PPP2R2B: variants seen among roughly 807,000 people sequenced by gnomAD.
The protein encoded by PPP2R2B is serine/threonine-protein phosphatase 2A 55 kDa regulatory subunit B beta isoform.
A neutral mutation model predicts 46.0 loss-of-function variants in PPP2R2B; 5 were observed. The ratio of observed to expected loss-of-function variants is 0.11; its 90% CI spans 0.06 to 0.23. The LOEUF is 0.23. PPP2R2B is among the 10% of genes least tolerant of loss of function. The pLI is 1.00. For missense variants in PPP2R2B, 367 were observed against 575.0 expected (o/e 0.64, Z 3.70); for synonymous variants, 215 against 206.7 (o/e 1.04, Z -0.34).
chr5:146,903,907 C>T (rs1397358657), intron 1 of PPP2R2B, among the ~76,000 whole-genome samples: 2 of 152,164 alleles, frequency 1.3e-5, no homozygotes, highest in Admixed American at 6.5e-5. Flanking sequence ...AGTTGGCACA[C>T]AGTACCAAAT....
At position 146,590,120 on chromosome 5, in the gene PPP2R2B, T is replaced by C; in HGVS notation, c.1159A>G (p.Ile387Val). 6.2e-7 allele frequency: 1 copy of C among 1,614,168 alleles called. No individual in the cohort carries two copies. The change falls in exon 10 of 10, where the codon ATC becomes GTC. Residue 387 changes from isoleucine (I) to valine (V), a missense_variant. This residue lies in a region of PPP2R2B where 361 missense variants were observed against 545.5 expected (regional missense o/e 0.66). Transcript: ENST00000394411. ...ASRENSKPRA[I>V]LKPRKVCVGG... The stretch of plus-strand genomic sequence containing the variant: ...ACACACACTTTTCGGGGTTTGAGGA[T>C]AGCCCGGGGCTTGCTGTTTTCCCTC...
At chr5:146,702,682 T>G (rs549393273) in intron 2 of PPP2R2B, among the ~76,000 whole-genome samples, 1 of 152,358 alleles carries the variant, frequency 6.6e-6, no homozygotes, top group African/African-American at 2.4e-5. Context: ...GCAAGTATTT[T>G]TTCCAATGCC....
chr5:146,696,077 C>G (rs183268398), intron 4 of PPP2R2B, among the ~76,000 whole-genome samples: 1 of 151,960 alleles, frequency 6.6e-6, no homozygotes, highest in African/African-American at 2.4e-5. Flanking sequence ...TCCCATCCCC[C>G]CGCCAACAAA....
chr5:146,746,334 CA>C (rs1329723096), intron 2 of PPP2R2B, among the ~76,000 whole-genome samples: 1 of 151,878 alleles, frequency 6.6e-6, no homozygotes, highest in Admixed American at 6.5e-5. Context: ...TGGGATGACA[CA>C]ACATCTGTAT....
intron 2 of PPP2R2B, among the ~76,000 whole-genome samples, chr5:146,816,247 A>T (rs1757924850): frequency 6.6e-6 from 1 of 152,162 alleles, no homozygotes. Flanking sequence ...CTACAAAAAA[A>T]TTAAAAAATT....
intron 2 of PPP2R2B, among the ~76,000 whole-genome samples, chr5:146,760,694 G>A (rs1754106584): frequency 6.6e-6 from 1 of 152,126 alleles, no homozygotes; most frequent in African/African-American, 2.4e-5. Flanking sequence ...TGATTTTGTG[G>A]GTGAGGGATG....
At chr5:146,810,232 G>A (rs1582157601) in intron 2 of PPP2R2B, among the ~76,000 whole-genome samples, 2 of 152,156 alleles carry the variant, frequency 1.3e-5, no homozygotes, top group African/African-American at 2.4e-5. Flanking sequence ...AAACAAAGAG[G>A]CTTAATGGAC....
At chr5:146,787,019 C>T (rs1388218581) in intron 2 of PPP2R2B, among the ~76,000 whole-genome samples, 25 of 152,118 alleles carry the variant, frequency 1.6e-4, no homozygotes, top group Admixed American at 1.6e-3. Flanking sequence ...AAAACTGAAG[C>T]ATAGAGAGGT....
intron 2 of PPP2R2B, among the ~76,000 whole-genome samples, chr5:146,722,746 G>T (rs1481156594): frequency 6.6e-6 from 1 of 152,174 alleles, no homozygotes; most frequent in African/African-American, 2.4e-5. Flanking sequence ...TGCACAATCA[G>T]GTTAGTGCCT....
intron 7 of PPP2R2B, among the ~76,000 whole-genome samples, chr5:146,603,534 A>G (rs748673649): frequency 6.6e-6 from 1 of 152,214 alleles, no homozygotes; most frequent in Non-Finnish European, 1.5e-5. Context: ...TTATTTGTGG[A>G]GTGCCGGCTT....
At chr5:146,590,811 C>G (rs1383098685) in intron 9 of PPP2R2B, among the ~76,000 whole-genome samples, 1 of 152,084 alleles carries the variant, frequency 6.6e-6, no homozygotes, top group East Asian at 1.9e-4. Context: ...TTTTAGAAAA[C>G]TTATCTACGA....
intron 2 of PPP2R2B, among the ~76,000 whole-genome samples, chr5:147,067,401 A>T (rs1424634190): frequency 2.6e-5 from 4 of 151,360 alleles, no homozygotes; most frequent in Non-Finnish European, 5.9e-5. Context: ...ATGTGAGATC[A>T]TCTGGTATTT....
intron 1 of PPP2R2B, among the ~76,000 whole-genome samples, chr5:146,995,208 T>C (rs1038683372): frequency 6.6e-6 from 1 of 152,244 alleles, no homozygotes; most frequent in Admixed American, 6.5e-5. Flanking sequence ...GGGTTTTACT[T>C]TCAAGCTATA....
intron 1 of PPP2R2B, among the ~76,000 whole-genome samples, chr5:147,003,673 A>G (rs1438905294): frequency 6.6e-6 from 1 of 152,154 alleles, no homozygotes; most frequent in Non-Finnish European, 1.5e-5. Context: ...CCCAGTATGG[A>G]TCCCCACTGG....
At chr5:146,756,875 C>A (rs1753865487) in intron 2 of PPP2R2B, among the ~76,000 whole-genome samples, 3 of 152,164 alleles carry the variant, frequency 2.0e-5, no homozygotes, top group Admixed American at 2.0e-4. Flanking sequence ...CAGCTCTCTG[C>A]CAGGCAGGCT....
intron 2 of PPP2R2B, among the ~76,000 whole-genome samples, chr5:146,708,839 A>C (rs2151178766): frequency 6.6e-6 from 1 of 152,330 alleles, no homozygotes; most frequent in South Asian, 2.1e-4. Flanking sequence ...ACCTGCATCC[A>C]AGCTACGTTA....
intron 1 of PPP2R2B, among the ~76,000 whole-genome samples, chr5:146,901,029 T>C (rs1762819448): frequency 6.6e-6 from 1 of 152,160 alleles, no homozygotes; most frequent in South Asian, 2.1e-4. Flanking sequence ...ATCCAGTCTG[T>C]CATTGATGGG....
chr5:146,920,707 C>T (rs1388972561), intron 1 of PPP2R2B, among the ~76,000 whole-genome samples: 3 of 152,108 alleles, frequency 2.0e-5, no homozygotes, highest in Non-Finnish European at 4.4e-5. Flanking sequence ...GAATGAAGCT[C>T]CTGCCAACCT....
intron 1 of PPP2R2B, among the ~76,000 whole-genome samples, chr5:146,991,323 T>G (rs1010888972): frequency 1.4e-4 from 21 of 152,048 alleles, no homozygotes; most frequent in Admixed American, 1.4e-3. Context: ...AATCAACCTA[T>G]GTACCCATCT....
Sources: gnomAD v4.1 joint callset for allele counts (sites outside exome capture counted in the v4.1 genomes callset) on GRCh38, gnomAD v4.1.1 for gene constraint, gnomAD v4.1.1 regional missense constraint, MANE v1.5 for transcripts, NCBI Gene and HGNC (gene_info 2026-07-23, HGNC 2026-07-21) for gene names.